Variants in GRAMD1B observed in about 807,000 individuals in gnomAD.
The protein encoded by GRAMD1B is GRAM domain containing 1B.
In GRAMD1B, 37 loss-of-function variants were observed where a neutral mutation model predicts 99.7. The ratio of observed to expected loss-of-function variants is 0.37; its 90% CI spans 0.29 to 0.49. The LOEUF is 0.49. GRAMD1B is among the 20% of genes least tolerant of loss of function. GRAMD1B has a pLI of 0.98. For synonymous variants in GRAMD1B, 427 were observed against 387.6 expected (o/e 1.10, Z -1.19); for missense variants, 888 against 1,009.2 (o/e 0.88, Z 1.63).
intron 1 of GRAMD1B, among the ~76,000 whole-genome samples, chr11:123,472,368 A>G (rs554626736): frequency 2.0e-5 from 3 of 152,076 alleles, no homozygotes; most frequent in Non-Finnish European, 4.4e-5. Flanking sequence ...CCTGGGCTGG[A>G]GTGCAGTGGT....
chr11:123,604,896 A>G (rs1952492627), intron 9 of GRAMD1B, among the ~76,000 whole-genome samples: 1 of 152,214 alleles, frequency 6.6e-6, no homozygotes, highest in African/African-American at 2.4e-5. Context: ...GGGCAATGCC[A>G]CTTAAGGAGC....
intron 2 of GRAMD1B, among the ~76,000 whole-genome samples, chr11:123,490,441 C>T (rs138616587): frequency 1.8e-4 from 27 of 152,166 alleles, no homozygotes; most frequent in East Asian, 3.9e-4. Flanking sequence ...ATCTTTGAGA[C>T]GGGAGATGAC....
intron 2 of GRAMD1B, among the ~76,000 whole-genome samples, chr11:123,533,527 A>G (rs1425641219): frequency 6.6e-6 from 1 of 151,866 alleles, no homozygotes; most frequent in Non-Finnish European, 1.5e-5. Context: ...CCTGGGTTCA[A>G]GTGATTCTCC....
intron 4 of GRAMD1B, among the ~76,000 whole-genome samples, chr11:123,590,802 G>C (rs1033885279): frequency 6.6e-6 from 1 of 152,200 alleles, no homozygotes; most frequent in African/African-American, 2.4e-5. Context: ...TTGATTAAAC[G>C]TGCCACTCTG....
intron 1 of GRAMD1B, among the ~76,000 whole-genome samples, chr11:123,363,589 T>TTTTTTTTGTTTGTTTG (rs1555105461): frequency 6.6e-6 from 1 of 152,026 alleles, no homozygotes; most frequent in African/African-American, 2.4e-5. Flanking sequence ...TGTTTGTTTT[T>TTTTTTTTGTTTGTTTG]TTTTGGCACT....
At chr11:123,531,890 C>T (rs552081913) in intron 2 of GRAMD1B, among the ~76,000 whole-genome samples, 5 of 152,136 alleles carry the variant, frequency 3.3e-5, no homozygotes, top group African/African-American at 1.2e-4. Context: ...CATGCACCAC[C>T]ACGCCTGGCT....
intron 1 of GRAMD1B, among the ~76,000 whole-genome samples, chr11:123,478,133 A>G (rs944145914): frequency 6.6e-6 from 1 of 151,552 alleles, no homozygotes; most frequent in African/African-American, 2.4e-5. Context: ...CTCCCACCAC[A>G]GTCTTCCGAG....
At chr11:123,361,210 A>T (rs983194427) in intron 1 of GRAMD1B, among the ~76,000 whole-genome samples, 1 of 152,108 alleles carries the variant, frequency 6.6e-6, no homozygotes, top group African/African-American at 2.4e-5. Flanking sequence ...GTCCTTGCAG[A>T]TTAGCTCACT....
At chr11:123,560,273 A>C (rs1245828402) in intron 2 of GRAMD1B, 2 of 1,124,756 alleles carry the variant, frequency 1.8e-6, no homozygotes, top group African/African-American at 3.3e-5. Flanking sequence ...AGCTCAGAAC[A>C]GCTGTCTGTG....
chr11:123,424,698 C>T (rs1250287882), intron 1 of GRAMD1B, among the ~76,000 whole-genome samples: 1 of 152,158 alleles, frequency 6.6e-6, no homozygotes, highest in Non-Finnish European at 1.5e-5. Flanking sequence ...ATACCCATTC[C>T]TCCATAGGAC....
At chr11:123,382,895 GC>G (rs1174495488) in intron 1 of GRAMD1B, among the ~76,000 whole-genome samples, 10 of 152,172 alleles carry the variant, frequency 6.6e-5, no homozygotes, top group Non-Finnish European at 1.5e-5. Context: ...TGAGGGACAA[GC>G]CCCTGTCCCA....
intron 1 of GRAMD1B, among the ~76,000 whole-genome samples, chr11:123,431,750 C>G (rs1005428231): frequency 6.6e-6 from 1 of 152,230 alleles, no homozygotes; most frequent in Non-Finnish European, 1.5e-5. Context: ...ATATCAGAGT[C>G]TTTAGACATC....
At position 123,579,683 on chromosome 11, in the gene GRAMD1B, G is replaced by C. The variant is rs527372845; in HGVS notation, c.663+2106G>C. On this transcript the variant is annotated intron_variant, in intron 3 of 19. Transcript: ENST00000635736. ...CAAGAGGGTGGATATGGCCTGACAG[G>C]GGCATCAGGCTCCCCACTCCCTGCT... Among the ~76,000 whole-genome samples the C allele has an allele frequency of 1.2e-4, 19 of 152,150 alleles. No individual in the cohort carries two copies. The South Asian group carries it at 3.9e-3, about 32-fold the overall frequency.
intron 4 of GRAMD1B, among the ~76,000 whole-genome samples, chr11:123,586,698 C>T (rs1190445842): frequency 6.6e-6 from 1 of 152,224 alleles, no homozygotes; most frequent in Non-Finnish European, 1.5e-5. Flanking sequence ...AGGCCCTTGC[C>T]CTGCCCCTGC....
chr11:123,513,610 C>CTTTCTTTCTTTCT lies in GRAMD1B; in HGVS notation c.452+32719_452+32720insTCTTTCTTTCTTT, dbSNP rs1158218306. Among the ~76,000 whole-genome samples, 3 of 111,518 alleles carry CTTTCTTTCTTTCT rather than the reference C, an allele frequency of 2.7e-5. No individual in the cohort carries two copies. The East Asian group carries it at 7.9e-4, about 29-fold the overall frequency. 73.2% of individuals were successfully genotyped at this position (111,518 alleles called of 152,430 possible). On this transcript the variant is annotated intron_variant, in intron 2 of 19. Coordinates refer to ENST00000635736, the MANE Select transcript of GRAMD1B (RefSeq NM_001387025.1). ...CCTTCCTTCCTTCCTTCCTTCCTTCCTTCCTTCCTTTCTTTCTTTCTTTCT... is the reference window on the plus strand; with the variant it reads ...CCTTCCTTCCTTCCTTCCTTCCTTCCTTTCTTTCTTTCTTTCCTTCCTTTCTTTCTTTCTTTCT...
chr11:123,406,581 G>A (rs962132649), intron 1 of GRAMD1B, among the ~76,000 whole-genome samples: 3 of 152,064 alleles, frequency 2.0e-5, no homozygotes, highest in Non-Finnish European at 4.4e-5. Flanking sequence ...AATTGTTAGG[G>A]GTGAAGAATT....
chr11:123,577,140 T>C (rs1222265962), intron 2 of GRAMD1B, among the ~76,000 whole-genome samples: 1 of 152,238 alleles, frequency 6.6e-6, no homozygotes, highest in Non-Finnish European at 1.5e-5. Context: ...GCCCGTTGGC[T>C]CGTGCGTCTG....
chr11:123,522,896 T>G (rs1942334265), intron 2 of GRAMD1B, among the ~76,000 whole-genome samples: 1 of 152,258 alleles, frequency 6.6e-6, no homozygotes, highest in South Asian at 2.1e-4. Flanking sequence ...TGTAAGCTTT[T>G]GTAAACCAGT....
intron 1 of GRAMD1B, among the ~76,000 whole-genome samples, chr11:123,469,650 G>A (rs937796867): frequency 2.0e-5 from 3 of 152,016 alleles, no homozygotes; most frequent in South Asian, 2.1e-4. Context: ...GCAACTATAC[G>A]ATACTAAAAA....
Sources: allele counts gnomAD v4.1 joint callset (sites outside exome capture counted in the v4.1 genomes callset), GRCh38; gene constraint gnomAD v4.1.1; transcripts MANE v1.5; gene names NCBI Gene and HGNC (gene_info 2026-07-23, HGNC 2026-07-21).